Variants in GLI2 observed in about 807,000 individuals in gnomAD.
GLI2 encodes the protein GLI family zinc finger 2, also known as transcription activator GLI2.
Under a neutral mutation model 78.9 loss-of-function variants are expected in GLI2, and 22 were observed. The ratio of observed to expected loss-of-function variants is 0.28; its 90% CI spans 0.20 to 0.40. The LOEUF (loss-of-function observed/expected upper bound fraction) is 0.40, where lower values mean the gene tolerates loss of function less well. GLI2 is among the 10% of genes least tolerant of loss of function. GLI2 has a pLI of 1.00. For synonymous variants in GLI2, 974 were observed against 963.7 expected (o/e 1.01, Z -0.20); for missense variants, 2,097 against 2,213.2 (o/e 0.95, Z 1.05).
At chr2:120,852,108 C>T (rs1687433101) in intron 2 of GLI2, among the ~76,000 whole-genome samples, 1 of 152,138 alleles carries the variant, frequency 6.6e-6, no homozygotes, top group Non-Finnish European at 1.5e-5. Flanking sequence ...GTCCCAGGCC[C>T]AGAGTGAGTG....
At chr2:120,745,651 T>C (rs1331575167) in intron 1 of GLI2, among the ~76,000 whole-genome samples, 1 of 152,186 alleles carries the variant, frequency 6.6e-6, no homozygotes, top group Admixed American at 6.5e-5. Context: ...CTTTGATTCA[T>C]ACAGTTTTGC....
chr2:120,835,788 G>T (rs1686582891), intron 2 of GLI2, among the ~76,000 whole-genome samples: 2 of 152,120 alleles, frequency 1.3e-5, no homozygotes, highest in African/African-American at 4.8e-5. Context: ...AGAGATGTGT[G>T]TGTGCGTTTG....
intron 3 of GLI2, among the ~76,000 whole-genome samples, chr2:120,943,285 GA>G (rs1331644055): frequency 6.6e-6 from 1 of 152,210 alleles, no homozygotes; most frequent in Non-Finnish European, 1.5e-5. Context: ...TTAACTGGGG[GA>G]AGGGATGAAG....
chr2:120,989,504 GC>G lies in GLI2; in HGVS notation c.3541del (p.Leu1181TrpfsTer22). The part of the protein sequence containing the change: ...SPQGLQASPG[G>X]LDSTQPHLQP... ...CAAGGCCTACAGGCTAGCCCTGGGGGCCTGGACAGCACGCAGCCACACCTGC... is the reference window on the plus strand; with the variant it reads ...CAAGGCCTACAGGCTAGCCCTGGGGGCTGGACAGCACGCAGCCACACCTGC... On this transcript the variant is annotated frameshift_variant, in exon 14 of 14. Transcript: ENST00000361492. LOFTEE classifies it low-confidence loss of function (END_TRUNC). 6.2e-7 allele frequency: 1 copy of G among 1,612,170 alleles called. No homozygotes were observed. The highest frequency in any genetic ancestry group is 8.5e-7 in the Non-Finnish European group (1 of 1,179,694).
At chr2:120,973,247 C>T (rs1682280549) in intron 8 of GLI2, among the ~76,000 whole-genome samples, 1 of 152,234 alleles carries the variant, frequency 6.6e-6, no homozygotes, top group Non-Finnish European at 1.5e-5. Flanking sequence ...ACGGGGCCGA[C>T]CATCATCGGG....
intron 2 of GLI2, among the ~76,000 whole-genome samples, chr2:120,871,434 C>T (rs978337961): frequency 2.0e-5 from 3 of 152,242 alleles, no homozygotes; most frequent in African/African-American, 7.2e-5. Context: ...GAACCCACGC[C>T]CAGGCGTCAC....
chr2:120,776,474 C>T (rs1683679822), intron 1 of GLI2, among the ~76,000 whole-genome samples: 1 of 151,980 alleles, frequency 6.6e-6, no homozygotes, highest in Admixed American at 6.6e-5. Context: ...TCTGGGTTCC[C>T]AGTAGACTTC....
intron 5 of GLI2, among the ~76,000 whole-genome samples, chr2:120,961,432 G>T (rs1681552262): frequency 6.6e-6 from 1 of 152,192 alleles, no homozygotes; most frequent in African/African-American, 2.4e-5. Context: ...TGGTGGAGCT[G>T]CTGTGTACAG....
chr2:120,808,742 C>T (rs1685079129), intron 2 of GLI2, among the ~76,000 whole-genome samples: 1 of 152,184 alleles, frequency 6.6e-6, no homozygotes, highest in South Asian at 2.1e-4. Flanking sequence ...CTTGCCTTGT[C>T]TGTCTGTGAA....
chr2:120,914,874 G>C (rs1303662287), intron 2 of GLI2, among the ~76,000 whole-genome samples: 1 of 152,248 alleles, frequency 6.6e-6, no homozygotes, highest in African/African-American at 2.4e-5. Context: ...GCCAGACTTG[G>C]CTGTGGCACT....
intron 2 of GLI2, among the ~76,000 whole-genome samples, chr2:120,894,433 G>A (rs879393789): frequency 1.3e-5 from 2 of 152,140 alleles, no homozygotes; most frequent in African/African-American, 2.4e-5. Flanking sequence ...TTGAGTATAC[G>A]CAGCCTGGGA....
intron 2 of GLI2, among the ~76,000 whole-genome samples, chr2:120,843,596 C>T (rs1191742600): frequency 6.6e-6 from 1 of 152,156 alleles, no homozygotes; most frequent in Non-Finnish European, 1.5e-5. Flanking sequence ...TAGTGGATTG[C>T]AGGGCAGCTG....
chr2:120,776,236 C>T (rs1683674504), intron 1 of GLI2, among the ~76,000 whole-genome samples: 1 of 152,202 alleles, frequency 6.6e-6, no homozygotes, highest in Admixed American at 6.5e-5. Context: ...ATGTTGTTCC[C>T]GCTTTCTAGA....
At chr2:120,978,721 C>A in intron 10 of GLI2, 138 bp downstream of exon 10, 1 of 926,416 alleles carries the variant, frequency 1.1e-6, no homozygotes, top group Non-Finnish European at 1.7e-6. Flanking sequence ...GGGACAGGAG[C>A]CTGTTCCCAC....
intron 2 of GLI2, among the ~76,000 whole-genome samples, chr2:120,802,506 G>A (rs1202061983): frequency 1.3e-5 from 2 of 152,128 alleles, no homozygotes; most frequent in African/African-American, 2.4e-5. Flanking sequence ...TTCTAAAATG[G>A]TGTAATTTTA....
intron 2 of GLI2, among the ~76,000 whole-genome samples, chr2:120,867,890 G>A (rs1381759811): frequency 1.3e-5 from 2 of 152,180 alleles, no homozygotes; most frequent in Non-Finnish European, 2.9e-5. Flanking sequence ...GGGAATGTGG[G>A]GAGGCATGGA....
At chr2:120,974,931 T>G (rs746470846) in intron 8 of GLI2, 44 bp from the exon 9 acceptor site, 3 of 1,614,162 alleles carry the variant, frequency 1.9e-6, no homozygotes, top group Non-Finnish European at 2.5e-6. Flanking sequence ...CAGGGCCAGG[T>G]GTCTGGACAC....
chr2:120,923,485 T>C (rs1679501491), intron 2 of GLI2, among the ~76,000 whole-genome samples: 1 of 151,484 alleles, frequency 6.6e-6, no homozygotes. Context: ...AGCATACATA[T>C]GCACGTATAC....
intron 2 of GLI2, among the ~76,000 whole-genome samples, chr2:120,826,805 G>A (rs889506977): frequency 3.3e-5 from 5 of 152,110 alleles, no homozygotes; most frequent in African/African-American, 9.7e-5. Flanking sequence ...CTGTACCTGC[G>A]GTCCCCAGTG....
Sources: gnomAD v4.1 joint callset for allele counts (sites outside exome capture counted in the v4.1 genomes callset) on GRCh38, gnomAD v4.1.1 for gene constraint, MANE v1.5 for transcripts, NCBI Gene and HGNC (gene_info 2026-07-23, HGNC 2026-07-21) for gene names.